Variants in TENT5D observed in about 807,000 individuals in gnomAD.
TENT5D encodes the protein terminal nucleotidyltransferase 5D, also known as cancer/testis antigen 112.
For missense variants in TENT5D, 191 were observed against 287.0 expected (o/e 0.67, Z 2.42); for synonymous variants, 103 against 100.6 (o/e 1.02, Z -0.15).
At chrX:80,404,055 C>A (rs1391738838) in intron 3 of TENT5D, among the ~76,000 whole-genome samples, 1 of 111,610 alleles carries the variant, frequency 9.0e-6, no homozygotes, top group Non-Finnish European at 1.9e-5. Context: ...AGATTGCATT[C>A]TTTTGAGTTC....
At chrX:80,397,417 C>G (rs2147542904) in intron 3 of TENT5D, among the ~76,000 whole-genome samples, 1 of 106,866 alleles carries the variant, frequency 9.4e-6, no homozygotes, top group South Asian at 4.4e-4. Flanking sequence ...GGGATGGCGG[C>G]CGGGCAGAGA....
intron 3 of TENT5D, among the ~76,000 whole-genome samples, chrX:80,413,617 C>T (rs776279073): frequency 3.6e-5 from 4 of 111,726 alleles, no homozygotes; most frequent in Non-Finnish European, 7.5e-5. Context: ...CAGGGTTTTC[C>T]GCTTTTGCTT....
At chrX:80,402,528 G>A (rs946545492) in intron 3 of TENT5D, among the ~76,000 whole-genome samples, 2 of 110,948 alleles carry the variant, frequency 1.8e-5, no homozygotes, top group Admixed American at 9.6e-5. Context: ...AGTATTTATC[G>A]CTAAAGACTT....
intron 1 of TENT5D, among the ~76,000 whole-genome samples, chrX:80,422,481 A>T (rs75405733): frequency 3.6e-5 from 4 of 111,133 alleles, no homozygotes; most frequent in Admixed American, 2.9e-4. Flanking sequence ...CAAAAAAAAA[A>T]TTGCATTTCA....
At chrX:80,382,105 A>G (rs1485235650) in intron 3 of TENT5D, among the ~76,000 whole-genome samples, 2 of 110,392 alleles carry the variant, frequency 1.8e-5, no homozygotes, top group Admixed American at 9.6e-5. Context: ...TCTACCTTTG[A>G]TCTTTGATGA....
intron 3 of TENT5D, among the ~76,000 whole-genome samples, chrX:80,373,958 T>G (rs1179363454): frequency 9.0e-6 from 1 of 111,273 alleles, no homozygotes; most frequent in African/African-American, 3.3e-5. Flanking sequence ...TAGTACTGAT[T>G]AGTTATTTTC....
exon 3 of TENT5D, chrX:80,442,586 C>G (rs1412013907): frequency 1.7e-5 from 20 of 1,209,178 alleles, no homozygotes; most frequent in Non-Finnish European, 2.2e-5. Flanking sequence ...CAAGTTATAA[C>G]ACTGGATCAA....
chrX:80,374,380 G>A (rs1266643112), intron 3 of TENT5D, among the ~76,000 whole-genome samples: 2 of 111,382 alleles, frequency 1.8e-5, no homozygotes, highest in Non-Finnish European at 3.8e-5. Context: ...GCTGGCTCAA[G>A]TGGCAGTTGT....
At chrX:80,411,513 C>CT (rs1307188361) in intron 3 of TENT5D, among the ~76,000 whole-genome samples, 6 of 111,483 alleles carry the variant, frequency 5.4e-5, no homozygotes, top group African/African-American at 6.5e-5. Flanking sequence ...TTCTTTTAAC[C>CT]TTTCTTGCCA....
chrX:80,344,847 G>A (rs1930029096), intron 3 of TENT5D, among the ~76,000 whole-genome samples: 1 of 110,970 alleles, frequency 9.0e-6, no homozygotes, highest in Non-Finnish European at 1.9e-5. Flanking sequence ...CCCTTCCCAA[G>A]CAAAAGATTA....
At chrX:80,431,446 A>C (rs1287234940) in intron 1 of TENT5D, among the ~76,000 whole-genome samples, 1 of 112,005 alleles carries the variant, frequency 8.9e-6, no homozygotes, top group East Asian at 2.8e-4. Flanking sequence ...AAAAGTTAGA[A>C]AGAGAGTTTT....
intron 3 of TENT5D, among the ~76,000 whole-genome samples, chrX:80,393,867 A>G (rs903850862): frequency 7.1e-5 from 8 of 111,910 alleles, no homozygotes; most frequent in African/African-American, 2.6e-4. Flanking sequence ...AATTCTATCC[A>G]TGTTTTTGCA....
intron 3 of TENT5D, among the ~76,000 whole-genome samples, chrX:80,365,018 C>T (rs1930479401): frequency 9.0e-6 from 1 of 110,541 alleles, no homozygotes; most frequent in African/African-American, 3.3e-5. Flanking sequence ...TCCTTGGTGC[C>T]TTCCTTCAGC....
At chrX:80,362,176 T>C (rs1363102435) in intron 3 of TENT5D, among the ~76,000 whole-genome samples, 1 of 111,386 alleles carries the variant, frequency 9.0e-6, no homozygotes, top group Non-Finnish European at 1.9e-5. Flanking sequence ...CTTTTTTTTT[T>C]TTCTTGAGAC....
chrX:80,366,250 A>G (rs969781138), intron 3 of TENT5D, among the ~76,000 whole-genome samples: 1 of 96,711 alleles, frequency 1.0e-5, no homozygotes, highest in Admixed American at 1.2e-4. Flanking sequence ...TTCCATATGG[A>G]CTTATTCCAC....
intron 2 of TENT5D, among the ~76,000 whole-genome samples, chrX:80,341,702 ATTCTT>A (rs1929959476): frequency 2.8e-5 from 3 of 105,922 alleles, no homozygotes; most frequent in Non-Finnish European, 5.9e-5. Flanking sequence ...ACTGAAAATA[ATTCTT>A]TTCTTTTTTT....
At chrX:80,378,996 T>G (rs1290408630) in intron 3 of TENT5D, among the ~76,000 whole-genome samples, 4 of 108,702 alleles carry the variant, frequency 3.7e-5, no homozygotes, top group Non-Finnish European at 7.6e-5. Flanking sequence ...TGATATTGGC[T>G]GTGGGTTTCT....
chrX:80,398,772 C>T (rs1435619057), intron 3 of TENT5D, among the ~76,000 whole-genome samples: 1 of 105,293 alleles, frequency 9.5e-6, no homozygotes, highest in Non-Finnish European at 2.0e-5. Flanking sequence ...ATCTATGTGT[C>T]TTTTTTTTTT....
intron 3 of TENT5D, among the ~76,000 whole-genome samples, chrX:80,397,022 G>T (rs1452429187): frequency 7.4e-5 from 7 of 95,076 alleles, no homozygotes; most frequent in East Asian, 3.6e-4. Flanking sequence ...GTCTGGCCGG[G>T]GGGGGGGCTG....
Sources: allele counts gnomAD v4.1 joint callset (sites outside exome capture counted in the v4.1 genomes callset), GRCh38; gene constraint gnomAD v4.1.1; transcripts MANE v1.5; gene names NCBI Gene and HGNC (gene_info 2026-07-23, HGNC 2026-07-21).